SLC30A9: variants seen among roughly 807,000 people sequenced by gnomAD.
SLC30A9 encodes the protein solute carrier family 30 member 9, also known as proton-coupled zinc antiporter SLC30A9, mitochondrial.
SLC30A9 carries 58 observed loss-of-function variants against 87.5 expected under a neutral mutation model. That is an observed-to-expected ratio of 0.66 (90% CI 0.54 to 0.82). SLC30A9 has a LOEUF of 0.82. SLC30A9 is among the 40% of genes least tolerant of loss of function. The probability of loss-of-function intolerance (pLI) is 0.00; values close to 1 mark genes in which losing one functional copy is unlikely to be tolerated. For synonymous variants in SLC30A9, 234 were observed against 233.0 expected (o/e 1.00, Z -0.04); for missense variants, 557 against 679.1 (o/e 0.82, Z 2.00).
intron 14 of SLC30A9, 101 bp from the exon 15 acceptor site, chr4:42,070,425 C>T: frequency 1.2e-6 from 1 of 840,918 alleles, no homozygotes; most frequent in Non-Finnish European, 1.8e-6. Flanking sequence ...GAATAAATTT[C>T]AAGTGCCTTG....
chr4:42,008,042 C>T (rs528628281), intron 2 of SLC30A9, among the ~76,000 whole-genome samples: 1 of 152,316 alleles, frequency 6.6e-6, no homozygotes, highest in South Asian at 2.1e-4. Context: ...TTCTTTCTAG[C>T]TGATCTGGCT....
chr4:42,012,769 A>G (rs1715506232), intron 2 of SLC30A9, among the ~76,000 whole-genome samples: 3 of 152,054 alleles, frequency 2.0e-5, no homozygotes, highest in Non-Finnish European at 4.4e-5. Flanking sequence ...ACCCCTCCAC[A>G]TTAAAAAACA....
intron 1 of SLC30A9, among the ~76,000 whole-genome samples, chr4:41,993,275 C>A (rs925590819): frequency 2.6e-4 from 39 of 151,828 alleles, no homozygotes; most frequent in Non-Finnish European, 4.1e-4. Context: ...TATTTTACAT[C>A]ATCTTTTTGT....
chr4:42,014,444 C>A (rs1715607741), intron 2 of SLC30A9, among the ~76,000 whole-genome samples: 1 of 151,944 alleles, frequency 6.6e-6, no homozygotes, highest in African/African-American at 2.4e-5. Flanking sequence ...GTAGTCCCAG[C>A]TACTCGGGAG....
intron 9 of SLC30A9, among the ~76,000 whole-genome samples, chr4:42,059,534 C>A (rs867488247): frequency 6.6e-6 from 1 of 152,200 alleles, no homozygotes; most frequent in Non-Finnish European, 1.5e-5. Context: ...ATATATAATT[C>A]CTGTGCATGG....
chr4:42,031,312 C>T (rs1400739108), intron 6 of SLC30A9, among the ~76,000 whole-genome samples: 1 of 151,384 alleles, frequency 6.6e-6, no homozygotes, highest in Non-Finnish European at 1.5e-5. Flanking sequence ...ATTTTCCAAG[C>T]CCAACCTATA....
chr4:42,074,923 A>T (rs545571912), intron 15 of SLC30A9, among the ~76,000 whole-genome samples: 8 of 150,186 alleles, frequency 5.3e-5, no homozygotes, highest in Admixed American at 2.0e-4. Context: ...ATTAAAACAA[A>T]TTTTTATATG....
chr4:41,990,784 G>C (rs1438954004), intron 1 of SLC30A9, 24 bp downstream of exon 1: 2 of 1,567,440 alleles, frequency 1.3e-6, no homozygotes, highest in Admixed American at 3.4e-5. Context: ...GCTGGCCGCT[G>C]GCTCCGTAGA....
In SLC30A9 at chr4:42,049,434, T is replaced by C. The variant is rs746170470; in HGVS notation, c.795T>C (p.Ser265=). The C allele has an allele frequency of 2.2e-5, 36 of 1,612,070 alleles. No individual in the cohort carries two copies. The highest frequency in any genetic ancestry group is 2.8e-5 in the Non-Finnish European group (33 of 1,178,644). Residue 265 remains serine, a synonymous_variant, in exon 9 of 18, where the codon AGT becomes AGC. Transcript: ENST00000264451. ...FLAWIYTGSA[S]MFSEAIHSLS... is the part of the protein sequence containing the mutation. The stretch of plus-strand genomic sequence containing the variant: ...CCTGGATTTATACCGGTTCAGCAAG[T>C]ATGTTCTCAGAAGCTATACACTCAT...
At chr4:42,053,905 T>G (rs1250558502) in intron 9 of SLC30A9, among the ~76,000 whole-genome samples, 1 of 152,126 alleles carries the variant, frequency 6.6e-6, no homozygotes, top group Non-Finnish European at 1.5e-5. Flanking sequence ...AGCAAGGAAC[T>G]TTAATTTTTA....
Position 42,007,446 on chromosome 4 carries a change from C to T in SLC30A9, c.274+5666C>T, listed in dbSNP as rs144656068. On this transcript the variant is annotated intron_variant, in intron 2 of 17. Transcript: ENST00000264451. ...CCAGTGAATCTACTAGTCACTGCAT[C>T]GTCTGTTAAAATGTCACACATCAGG... 3.9e-5 allele frequency among the ~76,000 whole-genome samples: 6 copies of T among 152,248 alleles called. No homozygotes were observed. The East Asian group carries it at 9.6e-4, about 24-fold the overall frequency.
At chr4:42,029,755 A>G (rs1716344683) in intron 6 of SLC30A9, 1 of 729,224 alleles carries the variant, frequency 1.4e-6, no homozygotes, top group Non-Finnish European at 2.6e-6. Flanking sequence ...ATAAAGCTCA[A>G]GTGAGTTCTA....
intron 4 of SLC30A9, among the ~76,000 whole-genome samples, chr4:42,022,078 G>T (rs1381799516): frequency 1.3e-5 from 1 of 75,640 alleles, no homozygotes; most frequent in Non-Finnish European, 3.9e-5. Flanking sequence ...TGGGACTACA[G>T]GCGCCCGCCA....
chr4:42,073,464 C>T (rs1242189505), intron 15 of SLC30A9, among the ~76,000 whole-genome samples: 1 of 152,096 alleles, frequency 6.6e-6, no homozygotes, highest in Non-Finnish European at 1.5e-5. Flanking sequence ...ATATTAGTTA[C>T]CTACTGCTGT....
At chr4:42,041,765 G>A (rs1223059712) in intron 8 of SLC30A9, among the ~76,000 whole-genome samples, 1 of 152,188 alleles carries the variant, frequency 6.6e-6, no homozygotes, top group Non-Finnish European at 1.5e-5. Flanking sequence ...GGGGGTGGCG[G>A]GCAAGATGGC....
At chr4:42,043,430 G>T (rs1717003977) in intron 8 of SLC30A9, among the ~76,000 whole-genome samples, 1 of 152,052 alleles carries the variant, frequency 6.6e-6, no homozygotes, top group African/African-American at 2.4e-5. Context: ...GCATACACAA[G>T]TATCAATAGC....
chr4:42,040,036 G>T (rs1716855596), intron 8 of SLC30A9, among the ~76,000 whole-genome samples: 2 of 152,188 alleles, frequency 1.3e-5, no homozygotes. Flanking sequence ...AACTACAATA[G>T]TGGTGGTACA....
intron 8 of SLC30A9, among the ~76,000 whole-genome samples, chr4:42,044,132 T>G (rs1307862972): frequency 2.0e-5 from 3 of 152,084 alleles, no homozygotes; most frequent in African/African-American, 7.2e-5. Context: ...CCATTGACAC[T>G]ATAAAGAAAC....
At chr4:41,996,164 C>T (rs143492246) in intron 1 of SLC30A9, among the ~76,000 whole-genome samples, 92 of 151,988 alleles carry the variant, frequency 6.1e-4, no homozygotes, top group African/African-American at 2.1e-3. Context: ...TGGTGGATCT[C>T]GGCAGACTGC....
Sources: allele counts gnomAD v4.1 joint callset (sites outside exome capture counted in the v4.1 genomes callset), GRCh38; gene constraint gnomAD v4.1.1; transcripts MANE v1.5; gene names NCBI Gene and HGNC (gene_info 2026-07-23, HGNC 2026-07-21).